The following RSF1 variants were observed in gnomAD, a reference collection of about 807,000 sequenced individuals.
RSF1 encodes HBV pX-associated protein 8.
In RSF1, 13 loss-of-function variants were observed where a neutral mutation model predicts 145.2. The ratio of observed to expected loss-of-function variants is 0.09; its 90% CI spans 0.06 to 0.14. The LOEUF (loss-of-function observed/expected upper bound fraction) is 0.14. RSF1 is among the 10% of genes least tolerant of loss of function. The pLI, the probability that RSF1 is intolerant of heterozygous loss-of-function variation, is 1.00. For missense variants in RSF1, 1,517 were observed against 1,718.2 expected (o/e 0.88, Z 2.07); for synonymous variants, 577 against 592.6 (o/e 0.97, Z 0.38).
At position 77,700,300 on chromosome 11, in the gene RSF1, G is replaced by A. The variant is rs184817589; in HGVS notation, c.2508+421C>T. 2.7e-3 allele frequency among the ~76,000 whole-genome samples: 341 copies of A among 128,284 alleles called. 1 individual carries two copies. The highest frequency in any genetic ancestry group is 9.3e-3 in the African/African-American group (316 of 34,092). The allele number at this position is 128,284 out of a possible 152,430, so 84.2% of individuals were successfully genotyped here. A position where few individuals can be genotyped will look rare whatever the true frequency, so the allele number is the denominator to read the frequency against. On this transcript the variant is annotated intron_variant, in intron 6 of 15. Coordinates refer to ENST00000308488, the MANE Select transcript of RSF1 (RefSeq NM_016578.4). Reference sequence around the variant, plus strand: ...AGGGAGGCAGAGGTTGCAGTGAGCCGAGATAGTGCCATTGCACTCCAGCCT... The same window carrying A: ...AGGGAGGCAGAGGTTGCAGTGAGCCAAGATAGTGCCATTGCACTCCAGCCT...
At chr11:77,821,852 GC>G (rs1948919994), upstream of RSF1, among the ~76,000 whole-genome samples, 1 of 152,136 alleles carries the variant, frequency 6.6e-6, no homozygotes, top group Admixed American at 6.5e-5. Context: ...TTTGGATTCA[GC>G]CAGGCCTGAG....
At chr11:77,730,282 C>G (rs1289550772) in intron 4 of RSF1, among the ~76,000 whole-genome samples, 1 of 152,114 alleles carries the variant, frequency 6.6e-6, no homozygotes, top group Non-Finnish European at 1.5e-5. Context: ...TGCATTCATA[C>G]AGTTTGTAAT....
At chr11:77,849,487 G>T in the RSF1 span, among the ~76,000 whole-genome samples, 1 of 152,194 alleles carries the variant, frequency 6.6e-6, no homozygotes, top group Non-Finnish European at 1.5e-5. Context: ...GCCTCTCAAA[G>T]TGCTGGGATT....
At chr11:77,698,790 T>C (rs748353996) in intron 6 of RSF1, 97 bp from the exon 7 acceptor site, 1 of 984,178 alleles carries the variant, frequency 1.0e-6, no homozygotes, top group Non-Finnish European at 1.5e-6. Flanking sequence ...ATTCAGCCAA[T>C]ATACCAAAAA....
At chr11:77,846,699 T>G in the RSF1 span, among the ~76,000 whole-genome samples, 1 of 152,150 alleles carries the variant, frequency 6.6e-6, no homozygotes, top group Non-Finnish European at 1.5e-5. Flanking sequence ...AGAGTGAAAC[T>G]ACATCTCATA....
At chr11:77,866,689 C>G in the RSF1 span, 2 of 151,412 alleles carry the variant, frequency 1.3e-5, no homozygotes, top group Non-Finnish European at 2.9e-5. Context: ...TTTCATTTTA[C>G]TAGAATGTGA....
chr11:77,725,150 T>C (rs1961023972), intron 5 of RSF1, among the ~76,000 whole-genome samples: 1 of 152,180 alleles, frequency 6.6e-6, no homozygotes. Flanking sequence ...GTTCTGGAGA[T>C]GGATGGTGGT....
chr11:77,838,702 C>T, the RSF1 span, among the ~76,000 whole-genome samples: 84 of 151,382 alleles, frequency 5.5e-4, no homozygotes, highest in Middle Eastern at 0.01. Flanking sequence ...CTGTAAGCTC[C>T]GCCTCCCGGG....
intron 1 of RSF1, chr11:77,813,724 C>G (rs763032838): frequency 1.3e-5 from 5 of 397,866 alleles, no homozygotes; most frequent in Non-Finnish European, 2.5e-5. Flanking sequence ...CGAGAGCGAA[C>G]AGTAGTGAGT....
chr11:77,765,440 A>G (rs1948216044), intron 1 of RSF1, among the ~76,000 whole-genome samples: 1 of 152,186 alleles, frequency 6.6e-6, no homozygotes, highest in Admixed American at 6.5e-5. Context: ...CTTACCTTCC[A>G]TAGCACTTAG....
At chr11:77,790,799 A>G (rs1312347910) in intron 1 of RSF1, among the ~76,000 whole-genome samples, 3 of 152,184 alleles carry the variant, frequency 2.0e-5, no homozygotes, top group African/African-American at 7.2e-5. Flanking sequence ...CAGGTCTCAT[A>G]TACAGGTCAC....
chr11:77,840,018 G>C, the RSF1 span, among the ~76,000 whole-genome samples: 1 of 151,946 alleles, frequency 6.6e-6, no homozygotes, highest in African/African-American at 2.4e-5. Flanking sequence ...ATATTGGAAA[G>C]CAAAAAAGCA....
the RSF1 span, among the ~76,000 whole-genome samples, chr11:77,871,507 CTT>C: frequency 6.6e-6 from 1 of 152,150 alleles, no homozygotes; most frequent in Non-Finnish European, 1.5e-5. Context: ...AAAATGGTGA[CTT>C]ATGCTGGGCT....
At chr11:77,703,146 C>T (rs1960464910) in intron 5 of RSF1, 1 of 152,140 alleles carries the variant, frequency 6.6e-6, no homozygotes, top group Non-Finnish European at 1.5e-5. Context: ...AATTATATAA[C>T]ATTCCTCAAT....
chr11:77,756,299 A>T (rs1948115248), intron 2 of RSF1, among the ~76,000 whole-genome samples: 1 of 150,742 alleles, frequency 6.6e-6, no homozygotes, highest in African/African-American at 2.4e-5. Flanking sequence ...CAGAGGTTGC[A>T]GTGAGCTGAG....
upstream of RSF1, among the ~76,000 whole-genome samples, chr11:77,824,027 C>T (rs780831919): frequency 6.6e-6 from 1 of 152,124 alleles, no homozygotes; most frequent in Admixed American, 6.5e-5. Context: ...TAATCTAGAT[C>T]GGCAGGGAAA....
intron 12 of RSF1, among the ~76,000 whole-genome samples, chr11:77,677,462 T>A (rs1277730954): frequency 6.6e-6 from 1 of 152,194 alleles, no homozygotes; most frequent in Non-Finnish European, 1.5e-5. Flanking sequence ...AAAAACAGTG[T>A]TTGCAGGACA....
chr11:77,808,350 C>T (rs929280953), intron 1 of RSF1, among the ~76,000 whole-genome samples: 3 of 7,086 alleles, frequency 4.2e-4, no homozygotes, highest in Admixed American at 4.6e-3. Context: ...AACAAACAAA[C>T]AAAAACACAA....
At chr11:77,736,616 A>G (rs1043396574) in intron 4 of RSF1, among the ~76,000 whole-genome samples, 2 of 152,246 alleles carry the variant, frequency 1.3e-5, no homozygotes, top group Non-Finnish European at 2.9e-5. Context: ...ACAGTTTACT[A>G]TATTTGTCAG....
Sources: gnomAD v4.1 joint callset for allele counts (sites outside exome capture counted in the v4.1 genomes callset) on GRCh38, gnomAD v4.1.1 for gene constraint, MANE v1.5 for transcripts, NCBI Gene and HGNC (gene_info 2026-07-23, HGNC 2026-07-21) for gene names.